IL13RA1: variants seen among roughly 807,000 people sequenced by gnomAD.
The protein encoded by IL13RA1 is interleukin-13 receptor subunit alpha-1.
A neutral mutation model predicts 33.8 loss-of-function variants in IL13RA1; 14 were observed. The observed-to-expected ratio is 0.41, with a 90% confidence interval of 0.27 to 0.65. IL13RA1 has a LOEUF of 0.65. IL13RA1 is among the 30% of genes least tolerant of loss of function. The pLI, the probability that IL13RA1 is intolerant of heterozygous loss-of-function variation, is 0.28. For synonymous variants in IL13RA1, 116 were observed against 115.7 expected (o/e 1.00, Z -0.02); for missense variants, 313 against 327.0 (o/e 0.96, Z 0.33).
intron 3 of IL13RA1, among the ~76,000 whole-genome samples, chrX:118,748,053 CATAT>C (rs1301648644): frequency 2.1e-5 from 2 of 94,201 alleles, no homozygotes; most frequent in African/African-American, 3.8e-5. Flanking sequence ...ACACAAAAAA[CATAT>C]ATATATAACA....
At chrX:118,757,608 A>T (rs182353241) in intron 4 of IL13RA1, among the ~76,000 whole-genome samples, 11 of 105,150 alleles carry the variant, frequency 1.0e-4, no homozygotes, top group East Asian at 2.9e-4. Flanking sequence ...GGGTTTTTTT[A>T]AAAAAAGTTA....
intron 5 of IL13RA1, chrX:118,758,779 CCA>C (rs1427151617): frequency 9.0e-6 from 1 of 110,985 alleles, no homozygotes; most frequent in African/African-American, 3.3e-5. Flanking sequence ...TCCACGAGTC[CCA>C]CTCCCATGAT....
At chrX:118,781,869 C>T (rs2495627) in intron 10 of IL13RA1, among the ~76,000 whole-genome samples, 18,682 of 110,774 alleles carry the variant, frequency 0.17, 1,457 homozygotes, top group East Asian at 0.43. Flanking sequence ...TAAGGTGATA[C>T]AACAGCATGT....
intron 1 of IL13RA1, 119 bp downstream of exon 1, chrX:118,727,845 G>C: frequency 3.5e-6 from 1 of 284,678 alleles, no homozygotes; most frequent in Non-Finnish European, 5.7e-6. Context: ...TGGGTGCTGG[G>C]GGCTGCCCTC....
At chrX:118,771,421 C>G (rs190774543) in intron 8 of IL13RA1, among the ~76,000 whole-genome samples, 70 of 112,408 alleles carry the variant, frequency 6.2e-4, no homozygotes, top group African/African-American at 2.0e-3. Flanking sequence ...GCACCAACCC[C>G]AGAGATTCTG....
intron 1 of IL13RA1, among the ~76,000 whole-genome samples, chrX:118,728,588 A>G (rs1028587146): frequency 1.9e-4 from 21 of 112,235 alleles, no homozygotes. Flanking sequence ...GGTGACAATG[A>G]AAGCCCCAAA....
At chrX:118,779,458 CAT>C (rs2017818992) in intron 10 of IL13RA1, among the ~76,000 whole-genome samples, 1 of 111,742 alleles carries the variant, frequency 8.9e-6, no homozygotes, top group South Asian at 3.7e-4. Context: ...TTACCATAAA[CAT>C]GTAGTATATT....
At chrX:118,800,599 G>A in the IL13RA1 span, among the ~76,000 whole-genome samples, 1 of 110,377 alleles carries the variant, frequency 9.1e-6, no homozygotes, top group African/African-American at 3.3e-5. Flanking sequence ...TAACAGTCAC[G>A]GCGTGGGTCC....
chrX:118,750,675 G>GT (rs903350052), intron 4 of IL13RA1, among the ~76,000 whole-genome samples: 211 of 102,665 alleles, frequency 2.1e-3, no homozygotes, highest in African/African-American at 2.8e-3. Flanking sequence ...GGCTTATTTA[G>GT]TTTTTTTTTT....
chrX:118,766,310 G>C (rs2017648122), intron 6 of IL13RA1, among the ~76,000 whole-genome samples: 1 of 109,946 alleles, frequency 9.1e-6, no homozygotes, highest in Non-Finnish European at 1.9e-5. Flanking sequence ...AACTGATTTT[G>C]TGAATAGTAT....
intron 6 of IL13RA1, among the ~76,000 whole-genome samples, chrX:118,765,696 A>G (rs2017640756): frequency 1.8e-5 from 2 of 112,269 alleles, no homozygotes; most frequent in Non-Finnish European, 3.8e-5. Flanking sequence ...TCATAAGGTT[A>G]CATATGATTG....
chrX:118,794,993 C>T (rs775213449), downstream of IL13RA1, among the ~76,000 whole-genome samples: 79 of 110,559 alleles, frequency 7.1e-4, 1 homozygote, highest in Admixed American at 1.5e-3. Context: ...AAGGCTGAAG[C>T]GGGCTGATCA....
At chrX:118,765,162 A>G (rs2997050) in intron 6 of IL13RA1, among the ~76,000 whole-genome samples, 18,802 of 110,620 alleles carry the variant, frequency 0.17, 1,447 homozygotes, top group East Asian at 0.4. Flanking sequence ...CAGTGGCGCA[A>G]TCTCAGCTCA....
At position 118,793,025 on chromosome X, in the gene IL13RA1, T is replaced by C. The variant is rs2017994570; in HGVS notation, c.*1171T>C. ...AGACTCCTCAGTTCTTGCCACTTTTTTTTTTAATCTCCACCAGTCATTTTT... is the reference window on the plus strand; with the variant it reads ...AGACTCCTCAGTTCTTGCCACTTTTCTTTTTAATCTCCACCAGTCATTTTT... On this transcript the variant is annotated 3_prime_UTR_variant, in exon 11 of 11. Coordinates refer to ENST00000371666, the MANE Select transcript of IL13RA1 (RefSeq NM_001560.3). 1 of 112,087 alleles carries C rather than the reference T, an allele frequency of 8.9e-6. No homozygotes were observed. The highest frequency in any genetic ancestry group is 3.3e-5 in the African/African-American group (1 of 30,679). 9.2% of individuals were successfully genotyped at this position (112,087 alleles called of 1,213,427 possible). A position where few individuals can be genotyped will look rare whatever the true frequency, so the allele number is the denominator to read the frequency against.
intron 10 of IL13RA1, among the ~76,000 whole-genome samples, chrX:118,777,020 T>TAC (rs1230190131): frequency 1.1e-5 from 1 of 87,401 alleles, no homozygotes; most frequent in African/African-American, 4.3e-5. Context: ...TATATATATA[T>TAC]ACACACATAC....
chrX:118,762,957 T>C (rs962120077), intron 6 of IL13RA1, among the ~76,000 whole-genome samples: 2 of 111,894 alleles, frequency 1.8e-5, no homozygotes, highest in African/African-American at 6.5e-5. Flanking sequence ...TTCTCACTTA[T>C]AAGTGGGAGC....
chrX:118,747,485 C>T (rs189653656), intron 3 of IL13RA1, among the ~76,000 whole-genome samples: 7 of 110,905 alleles, frequency 6.3e-5, no homozygotes, highest in African/African-American at 2.0e-4. Flanking sequence ...AAAGGAACTG[C>T]GTGACTTGCT....
chrX:118,777,439 G>T (rs2017798675), intron 10 of IL13RA1, among the ~76,000 whole-genome samples: 1 of 111,694 alleles, frequency 9.0e-6, no homozygotes, highest in Non-Finnish European at 1.9e-5. Context: ...AGAATACTTT[G>T]CTCATCTTAT....
At chrX:118,764,874 T>TA (rs2017629693) in intron 6 of IL13RA1, among the ~76,000 whole-genome samples, 2 of 111,709 alleles carry the variant, frequency 1.8e-5, no homozygotes, top group Admixed American at 1.9e-4. Flanking sequence ...TGTCTCTTTT[T>TA]AAAAAGTTTT....
Sources: allele counts gnomAD v4.1 joint callset (sites outside exome capture counted in the v4.1 genomes callset), GRCh38; gene constraint gnomAD v4.1.1; transcripts MANE v1.5; gene names NCBI Gene and HGNC (gene_info 2026-07-23, HGNC 2026-07-21).